The following LAMA2 variants were observed in gnomAD, a reference collection of about 807,000 sequenced individuals.
LAMA2 encodes the protein laminin subunit alpha-2.
In LAMA2, 269 loss-of-function variants were observed where a neutral mutation model predicts 364.8. The ratio of observed to expected loss-of-function variants is 0.74; its 90% CI spans 0.67 to 0.82. The LOEUF (loss-of-function observed/expected upper bound fraction) is 0.82, where lower values mean the gene tolerates loss of function less well. Ranked by LOEUF, LAMA2 falls within the 40% of genes least tolerant of loss-of-function variation. The probability of loss-of-function intolerance (pLI) is 0.00; values close to 1 mark genes in which losing one functional copy is unlikely to be tolerated. For synonymous variants in LAMA2, 1,379 were observed against 1,370.6 expected, an observed-to-expected ratio of 1.01 and a Z score of -0.14; for missense variants, 3,807 against 3,873.2, an observed-to-expected ratio of 0.98 and a Z score of 0.45.
chr6:129,464,829 G>A (rs911887345), intron 50 of LAMA2, among the ~76,000 whole-genome samples: 1 of 151,828 alleles, frequency 6.6e-6, no homozygotes, highest in African/African-American at 2.4e-5. Flanking sequence ...TTTCTGGTCA[G>A]TATTTCTTAC....
chr6:129,361,740 C>T (rs1011890195), intron 32 of LAMA2, among the ~76,000 whole-genome samples: 5 of 150,672 alleles, frequency 3.3e-5, no homozygotes, highest in Non-Finnish European at 3.0e-5. Context: ...AAGTAGACTT[C>T]ACATCTTAAT....
intron 40 of LAMA2, among the ~76,000 whole-genome samples, chr6:129,405,882 AG>A (rs34573345): frequency 8.9e-4 from 136 of 152,296 alleles, no homozygotes; most frequent in African/African-American, 3.2e-3. Flanking sequence ...AGTATAGAAG[AG>A]TTCAAAGCTT....
intron 61 of LAMA2, 119 bp from the exon 62 acceptor site, chr6:129,507,370 C>G: frequency 9.4e-7 from 1 of 1,062,480 alleles, no homozygotes; most frequent in Non-Finnish European, 1.4e-6. Context: ...TGGGGGATAT[C>G]CCATCCTAAG....
chr6:128,963,445 A>G (rs1781655305), intron 1 of LAMA2, among the ~76,000 whole-genome samples: 1 of 152,146 alleles, frequency 6.6e-6, no homozygotes, highest in African/African-American at 2.4e-5. Flanking sequence ...GAAATGAACT[A>G]GTGTCCACAT....
At chr6:128,988,253 G>T (rs1783392136) in intron 1 of LAMA2, among the ~76,000 whole-genome samples, 1 of 151,976 alleles carries the variant, frequency 6.6e-6, no homozygotes, top group Non-Finnish European at 1.5e-5. Context: ...ACATACAAGG[G>T]GACATCTCTT....
chr6:129,220,701 T>C (rs937767377), intron 12 of LAMA2, among the ~76,000 whole-genome samples: 4 of 152,156 alleles, frequency 2.6e-5, no homozygotes, highest in Admixed American at 6.5e-5. Context: ...CATCAGAAAA[T>C]TTATTAGCCA....
At chr6:129,247,598 C>T (rs753956699) in intron 12 of LAMA2, among the ~76,000 whole-genome samples, 1 of 152,106 alleles carries the variant, frequency 6.6e-6, no homozygotes, top group Non-Finnish European at 1.5e-5. Flanking sequence ...GGGAAAAAAA[C>T]ATCTAGTAAC....
intron 1 of LAMA2, among the ~76,000 whole-genome samples, chr6:129,025,699 A>G (rs1451756417): frequency 6.6e-6 from 1 of 152,226 alleles, no homozygotes; most frequent in Non-Finnish European, 1.5e-5. Flanking sequence ...GGGAAATTTC[A>G]TAGCTTCTTA....
chr6:129,026,703 G>A (rs546003264), intron 1 of LAMA2, among the ~76,000 whole-genome samples: 35 of 152,178 alleles, frequency 2.3e-4, no homozygotes, highest in Non-Finnish European at 5.1e-4. Context: ...TTCTGGGGAT[G>A]CAGTCTTTCC....
intron 11 of LAMA2, among the ~76,000 whole-genome samples, chr6:129,190,937 C>T (rs1028834718): frequency 6.6e-6 from 1 of 152,162 alleles, no homozygotes; most frequent in African/African-American, 2.4e-5. Flanking sequence ...TCACTGCCTA[C>T]ACTACCCACT....
At chr6:128,929,348 G>T (rs1582701792) in intron 1 of LAMA2, 1 of 1,102,656 alleles carries the variant, frequency 9.1e-7, no homozygotes, top group East Asian at 2.4e-5. Context: ...AAAGACTGGG[G>T]TGAGACCTCG....
intron 34 of LAMA2, among the ~76,000 whole-genome samples, chr6:129,377,100 A>G (rs1465857767): frequency 6.6e-6 from 1 of 152,084 alleles, no homozygotes; most frequent in African/African-American, 2.4e-5. Flanking sequence ...TATATTGTTG[A>G]ATATTTTGTT....
At chr6:128,929,200 T>G in intron 1 of LAMA2, 1 of 1,489,894 alleles carries the variant, frequency 6.7e-7, no homozygotes, top group Non-Finnish European at 9.4e-7. Flanking sequence ...AGGCAAGAGC[T>G]CCCACCCAGC....
intron 31 of LAMA2, 60 bp downstream of exon 31, chr6:129,349,444 C>A: frequency 1.6e-6 from 2 of 1,254,680 alleles, no homozygotes; most frequent in South Asian, 1.2e-5. Flanking sequence ...GGTAAAGGGT[C>A]ACAATAGGAA....
intron 1 of LAMA2, among the ~76,000 whole-genome samples, chr6:128,898,214 G>T (rs1562808259): frequency 6.6e-6 from 1 of 152,150 alleles, no homozygotes; most frequent in Non-Finnish European, 1.5e-5. Flanking sequence ...GTTTTAGTGT[G>T]ATTAGAGGTG....
intron 10 of LAMA2, among the ~76,000 whole-genome samples, chr6:129,183,805 C>T (rs76263922): frequency 0.01 from 1,544 of 151,920 alleles, 19 homozygotes; most frequent in Admixed American, 0.019. Context: ...ATGAGTAATT[C>T]TGTTTTATGT....
chr6:129,441,530 A>G (rs2114766914), intron 43 of LAMA2, among the ~76,000 whole-genome samples: 1 of 152,290 alleles, frequency 6.6e-6, no homozygotes, highest in South Asian at 2.1e-4. Context: ...GTTTCTAAAG[A>G]CTATTCACAT....
chr6:129,173,248 T>A (rs1422105521), intron 9 of LAMA2, among the ~76,000 whole-genome samples: 1 of 152,230 alleles, frequency 6.6e-6, no homozygotes, highest in Non-Finnish European at 1.5e-5. Flanking sequence ...AATATTCTTA[T>A]CAGTACTTTT....
chr6:129,276,011 G>T (rs1303137047), intron 17 of LAMA2, among the ~76,000 whole-genome samples: 1 of 152,106 alleles, frequency 6.6e-6, no homozygotes, highest in Non-Finnish European at 1.5e-5. Context: ...ATTCTCCTGA[G>T]AATAAGTAGG....
Sources: gnomAD v4.1 joint callset for allele counts (sites outside exome capture counted in the v4.1 genomes callset) on GRCh38, gnomAD v4.1.1 for gene constraint, MANE v1.5 for transcripts, NCBI Gene and HGNC (gene_info 2026-07-23, HGNC 2026-07-21) for gene names.